Variants in TMED7 observed in about 807,000 individuals in gnomAD.
TMED7 encodes the protein transmembrane emp24 domain-containing protein 7.
Under a neutral mutation model 23.4 loss-of-function variants are expected in TMED7, and 8 were observed. The observed-to-expected ratio is 0.34, with a 90% confidence interval of 0.20 to 0.62. TMED7 has a LOEUF of 0.62. Ranked by LOEUF, TMED7 falls within the 20% of genes least tolerant of loss-of-function variation. The pLI is 0.77. For missense variants in TMED7, 232 were observed against 279.1 expected (o/e 0.83, Z 1.20); for synonymous variants, 121 against 108.5 (o/e 1.12, Z -0.72).
chr5:115,618,673 C>CA (rs1756892109), intron 2 of TMED7, among the ~76,000 whole-genome samples: 1 of 152,098 alleles, frequency 6.6e-6, no homozygotes, highest in Non-Finnish European at 1.5e-5. Context: ...GTCTAGTAGT[C>CA]AATGTTGTGT....
Position 115,625,870 on chromosome 5 carries a change from G to T in TMED7, c.-78C>A. 1 of 1,329,948 alleles carries T rather than the reference G, an allele frequency of 7.5e-7. No individual in the cohort carries two copies. The highest frequency in any genetic ancestry group is 2.1e-5 in the South Asian group (1 of 47,540). 82.4% of individuals were successfully genotyped at this position (1,329,948 alleles called of 1,614,324 possible). A position where few individuals can be genotyped will look rare whatever the true frequency, so the allele number is the denominator to read the frequency against. On this transcript the variant is annotated 5_prime_UTR_variant, in exon 1 of 3. Transcript: ENST00000456936. ...TGCGCGGACTCACCGCGCGCGGCAG[G>T]CCTCAGCGCAGGCCACCCCGCAAAG...
At chr5:115,620,357 G>A (rs1220938153) in intron 2 of TMED7, 78 bp downstream of exon 2, 5 of 1,365,466 alleles carry the variant, frequency 3.7e-6, no homozygotes, top group Admixed American at 6.0e-5. Flanking sequence ...ATGCTCATCA[G>A]TTAGTGCATG....
In TMED7 at chr5:115,620,675, A is replaced by G; in HGVS notation, c.198T>C (p.Ile66=). ...GTKCTLEFQV[I]TGGHYDVDCR... is the part of the protein sequence containing the mutation. ...AATCTACATCATAGTGACCACCAGT[A>G]ATCACCTGTAAGAGATTAAAAAAGA... Residue 66 remains isoleucine (I), a synonymous_variant, in exon 2 of 3, where the codon ATT becomes ATC. Coordinates refer to ENST00000456936, the MANE Select transcript of TMED7 (RefSeq NM_181836.6). 6.8e-7 allele frequency: 1 copy of G among 1,480,758 alleles called. No individual in the cohort carries two copies. Among genetic ancestry groups the G allele is most frequent in the East Asian group, 2.6e-5 (1 of 38,738 alleles). 91.7% of individuals were successfully genotyped at this position (1,480,758 alleles called of 1,614,324 possible).
intron 1 of TMED7, among the ~76,000 whole-genome samples, chr5:115,625,098 G>A (rs1757154897): frequency 6.6e-6 from 1 of 152,166 alleles, no homozygotes; most frequent in Non-Finnish European, 1.5e-5. Context: ...ATTTATCACA[G>A]CAATTCTTTC....
intron 1 of TMED7, among the ~76,000 whole-genome samples, chr5:115,625,298 G>A (rs1757161764): frequency 6.6e-6 from 1 of 152,190 alleles, no homozygotes; most frequent in Non-Finnish European, 1.5e-5. Flanking sequence ...GTACTACAGA[G>A]TATAAATGAT....
chr5:115,616,552 T>C (rs943177110), intron 2 of TMED7, 107 bp from the exon 3 acceptor site: 3 of 1,504,804 alleles, frequency 2.0e-6, no homozygotes, highest in Non-Finnish European at 2.7e-6. Flanking sequence ...TTGACTAACA[T>C]GCTACTAATC....
intron 1 of TMED7, among the ~76,000 whole-genome samples, chr5:115,624,177 CAAAG>C (rs992314758): frequency 6.6e-6 from 1 of 152,164 alleles, no homozygotes; most frequent in Non-Finnish European, 1.5e-5. Context: ...TAAATTCAAA[CAAAG>C]AAAATGTCGG....
At chr5:115,618,863 A>C (rs1445541795) in intron 2 of TMED7, among the ~76,000 whole-genome samples, 1 of 152,210 alleles carries the variant, frequency 6.6e-6, no homozygotes, top group African/African-American at 2.4e-5. Flanking sequence ...CAGGTAAAAA[A>C]TGGTGAGAGT....
rs1756647763 is a variant in TMED7, at chr5:115,615,028, C to A, written c.*1181G>T. The A allele has an allele frequency of 6.6e-6, 1 of 151,866 alleles. No homozygotes were observed. The highest frequency in any genetic ancestry group is 2.4e-5 in the African/African-American group (1 of 41,356). 9.4% of individuals were successfully genotyped at this position (151,866 alleles called of 1,614,324 possible). A position where few individuals can be genotyped will look rare whatever the true frequency, so the allele number is the denominator to read the frequency against. ...TGGAACAAAATCTTATTTCAATCAG[C>A]TCAATCTATACAAGTTATAAGATGC... On this transcript the variant is annotated 3_prime_UTR_variant, in exon 3 of 3. Coordinates refer to ENST00000456936, the MANE Select transcript of TMED7 (RefSeq NM_181836.6).
At chr5:115,625,035 A>G (rs1757153547) in intron 1 of TMED7, among the ~76,000 whole-genome samples, 1 of 152,218 alleles carries the variant, frequency 6.6e-6, no homozygotes, top group Non-Finnish European at 1.5e-5. Flanking sequence ...AATAAACCAC[A>G]TTCTGTTAAA....
At position 115,625,691 on chromosome 5, in the gene TMED7, G is replaced by A. The variant is rs1299375329; in HGVS notation, c.102C>T (p.Ala34=). 1.2e-6 allele frequency: 2 copies of A among 1,602,622 alleles called. No individual in the cohort carries two copies. The change falls in exon 1 of 3, where the codon GCC becomes GCT. Residue 34 remains alanine (A), a synonymous_variant. Transcript: ENST00000456936. Reference sequence around the variant, plus strand: ...CAGGAAGCTCGAAGGTGATCTCAGAGGCGCCGCCGGGTCCAGGCACCAGTA... The same window carrying A: ...CAGGAAGCTCGAAGGTGATCTCAGAAGCGCCGCCGGGTCCAGGCACCAGTA... ...LLLLVPGPGG[A]SEITFELPDN...
intron 1 of TMED7, 21 bp downstream of exon 1, chr5:115,625,580 G>A: frequency 6.5e-7 from 1 of 1,532,168 alleles, no homozygotes; most frequent in South Asian, 1.2e-5. Flanking sequence ...TGGGGCCCAG[G>A]GACTGCTAGG....
intron 1 of TMED7, among the ~76,000 whole-genome samples, chr5:115,624,173 C>G (rs930666102): frequency 6.6e-6 from 1 of 152,150 alleles, no homozygotes; most frequent in Admixed American, 6.5e-5. Context: ...TTATTAAATT[C>G]AAACAAAGAA....
rs1202194572 is a variant in TMED7 at position 115,613,567 on chromosome 5, CT to C, written c.*2641del. Reference sequence around the variant, plus strand: ...AGGTGCAATCCTGTTAAAGAAATTTCTTTTCAAAAGTAAATGAAAAACCCCT... The same window carrying C: ...AGGTGCAATCCTGTTAAAGAAATTTCTTTCAAAAGTAAATGAAAAACCCCT... On this transcript the variant is annotated 3_prime_UTR_variant, in exon 3 of 3. Transcript: ENST00000456936. 6.6e-6 allele frequency: 1 copy of C among 151,912 alleles called. No homozygotes were observed. The highest frequency in any genetic ancestry group is 2.4e-5 in the African/African-American group (1 of 41,388). The allele number at this position is 151,912 out of a possible 1,614,324, so 9.4% of individuals were successfully genotyped here. A position where few individuals can be genotyped will look rare whatever the true frequency, so the allele number is the denominator to read the frequency against.
chr5:115,620,662 A>C lies in TMED7; in HGVS notation c.211T>G (p.Tyr71Asp). Residue 71 changes from tyrosine to aspartate, a missense_variant, in exon 2 of 3, where the codon TAT (tyrosine) becomes GAT (aspartate). Coordinates refer to ENST00000456936, the MANE Select transcript of TMED7 (RefSeq NM_181836.6). ...TCTTCTAATCGACAATCTACATCAT[A>C]GTGACCACCAGTAATCACCTGTAAG... ...LEFQVITGGH[Y>D]DVDCRLEDPD... 1 of 1,513,624 alleles carries C rather than the reference A, an allele frequency of 6.6e-7. No homozygotes were observed. Among genetic ancestry groups the C allele is most frequent in the Admixed American group, 2.2e-5 (1 of 45,244 alleles). The allele number at this position is 1,513,624 out of a possible 1,614,324, so 93.8% of individuals were successfully genotyped here. A position where few individuals can be genotyped will look rare whatever the true frequency, so the allele number is the denominator to read the frequency against.
At chr5:115,622,526 T>C (rs771151867) in intron 1 of TMED7, among the ~76,000 whole-genome samples, 18 of 152,204 alleles carry the variant, frequency 1.2e-4, no homozygotes. Context: ...TGAATAATTC[T>C]GTGTTGTAGG....
At position 115,625,917 on chromosome 5, in the gene TMED7, C is replaced by T. The variant is rs1280166074; in HGVS notation, c.-125G>A. The T allele has an allele frequency of 8.1e-7, 1 of 1,241,428 alleles. No homozygotes were observed. 76.9% of individuals were successfully genotyped at this position (1,241,428 alleles called of 1,614,324 possible). A position where few individuals can be genotyped will look rare whatever the true frequency, so the allele number is the denominator to read the frequency against. ...AAAGATACACAGCAGAGCAGGTTCACGCCTGTGGGAGATTCGGGATCAGAG... is the reference window on the plus strand; with the variant it reads ...AAAGATACACAGCAGAGCAGGTTCATGCCTGTGGGAGATTCGGGATCAGAG... On this transcript the variant is annotated 5_prime_UTR_variant, in exon 1 of 3. It adds an upstream start codon to the 5' untranslated region. Transcript: ENST00000456936.
rs1313398964 is a variant in TMED7, at chr5:115,615,289, A to C, written c.*920T>G. On this transcript the variant is annotated 3_prime_UTR_variant, in exon 3 of 3. Coordinates refer to ENST00000456936, the MANE Select transcript of TMED7 (RefSeq NM_181836.6). ...CATGAGGATAAAATGTATGGCACTT[A>C]TGTGTGAGACTAATACTAACAATTG... 6.6e-6 allele frequency: 1 copy of C among 152,622 alleles called. No individual in the cohort carries two copies. Among genetic ancestry groups the C allele is most frequent in the African/African-American group, 2.4e-5 (1 of 41,462 alleles). 9.5% of individuals were successfully genotyped at this position (152,622 alleles called of 1,614,324 possible).
In TMED7 at chr5:115,616,082, A is replaced by T; in HGVS notation, c.*127T>A. ...CACAGTTTGGGAATATGCATTGTAC[A>T]TCCCTCCCAACAAGTGTATGAGTAA... On this transcript the variant is annotated 3_prime_UTR_variant, in exon 3 of 3. Transcript: ENST00000456936. 2.2e-6 allele frequency: 2 copies of T among 912,754 alleles called. 1 individual carries two copies. The highest frequency in any genetic ancestry group is 3.3e-5 in the South Asian group (2 of 61,392). 56.5% of individuals were successfully genotyped at this position (912,754 alleles called of 1,614,324 possible).
Sources: gnomAD v4.1 joint callset for allele counts (sites outside exome capture counted in the v4.1 genomes callset) on GRCh38, gnomAD v4.1.1 for gene constraint, MANE v1.5 for transcripts, NCBI Gene and HGNC (gene_info 2026-07-23, HGNC 2026-07-21) for gene names.